The following BAZ2B variants were observed in gnomAD, a reference collection of about 807,000 sequenced individuals.
BAZ2B encodes bromodomain adjacent to zinc finger domain protein 2B.
In BAZ2B, 91 loss-of-function variants were observed where a neutral mutation model predicts 246.0. The ratio of observed to expected loss-of-function variants is 0.37; its 90% confidence interval spans 0.31 to 0.44. The LOEUF is 0.44. Ranked by LOEUF, BAZ2B falls within the 20% of genes least tolerant of loss-of-function variation. The pLI, the probability that BAZ2B is intolerant of heterozygous loss-of-function variation, is 1.00. For missense variants in BAZ2B, 2,332 were observed against 2,533.7 expected (o/e 0.92, Z 1.71); for synonymous variants, 855 against 860.0 (o/e 0.99, Z 0.10).
At chr2:159,332,831 G>GT in intron 33 of BAZ2B, 145 bp from the exon 34 acceptor site, 1 of 914,604 alleles carries the variant, frequency 1.1e-6, no homozygotes, top group East Asian at 2.7e-5. Context: ...ACACATCTAT[G>GT]TATCTTTCGT....
At chr2:159,460,617 T>C (rs181621338) in intron 3 of BAZ2B, 16 of 152,232 alleles carry the variant, frequency 1.1e-4, no homozygotes, top group African/African-American at 3.6e-4. Context: ...AAAATGGTGG[T>C]ATATTCAAAT....
At chr2:159,682,505 T>C in the BAZ2B span, among the ~76,000 whole-genome samples, 1 of 152,038 alleles carries the variant, frequency 6.6e-6, no homozygotes, top group African/African-American at 2.4e-5. Flanking sequence ...GCCAAAACAT[T>C]TGGAACTGGA....
At chr2:159,363,023 G>C (rs140740399) in intron 27 of BAZ2B, among the ~76,000 whole-genome samples, 25 of 152,324 alleles carry the variant, frequency 1.6e-4, no homozygotes, top group African/African-American at 5.8e-4. Flanking sequence ...TACAGAGCAA[G>C]AGCAAGACTC....
chr2:159,606,299 G>C (rs1693478433), intron 1 of BAZ2B, among the ~76,000 whole-genome samples: 1 of 135,352 alleles, frequency 7.4e-6, no homozygotes, highest in Non-Finnish European at 1.7e-5. Context: ...TTAAAATAAA[G>C]AGATTTGACC....
At chr2:159,528,464 C>T (rs959613122) in intron 2 of BAZ2B, among the ~76,000 whole-genome samples, 4 of 152,106 alleles carry the variant, frequency 2.6e-5, no homozygotes, top group African/African-American at 9.7e-5. Context: ...GGTTGGATCA[C>T]CTGAGGTCAA....
At chr2:159,458,333 C>CT (rs59409554) in intron 3 of BAZ2B, 17,767 of 145,318 alleles carry the variant, frequency 0.12, 1,188 homozygotes, top group Middle Eastern at 0.2. Flanking sequence ...TTTCTTTTTT[C>CT]TTTTTTTTTT....
downstream of BAZ2B, among the ~76,000 whole-genome samples, chr2:159,316,465 G>A (rs1368856911): frequency 6.6e-6 from 1 of 151,926 alleles, no homozygotes; most frequent in South Asian, 2.1e-4. Flanking sequence ...GGCCGTGGGG[G>A]CAGATCACGA....
Position 159,405,172 on chromosome 2 carries a change from A to C in BAZ2B, c.2678-58T>G, listed in dbSNP as rs904379969. 7 of 1,397,954 alleles carry C rather than the reference A, an allele frequency of 5.0e-6. No homozygotes were observed. The African/African-American group carries it at 1.0e-4, about 20-fold the overall frequency. 86.6% of individuals were successfully genotyped at this position (1,397,954 alleles called of 1,614,324 possible). A position where few individuals can be genotyped will look rare whatever the true frequency, so the allele number is the denominator to read the frequency against. On this transcript the variant is annotated intron_variant, in intron 14 of 36. Coordinates refer to ENST00000392783, the MANE Select transcript of BAZ2B (RefSeq NM_013450.4). The stretch of plus-strand genomic sequence containing the variant: ...AACTTTGTGTAACTACTAACCAAAA[A>C]CAATAACTGTGTGAAAATGGTATCA...
At chr2:159,516,259 G>A (rs1033836911) in intron 2 of BAZ2B, 4 of 152,054 alleles carry the variant, frequency 2.6e-5, no homozygotes, top group African/African-American at 9.7e-5. Flanking sequence ...AAGACATAGA[G>A]TATAACATTA....
At chr2:159,698,515 C>CAAAA in the BAZ2B span, among the ~76,000 whole-genome samples, 10 of 130,484 alleles carry the variant, frequency 7.7e-5, no homozygotes, top group South Asian at 2.4e-4. Context: ...CACCATCCCA[C>CAAAA]AAAAAAAAAA....
At chr2:159,498,416 C>T (rs1171376016) in intron 2 of BAZ2B, among the ~76,000 whole-genome samples, 1 of 152,072 alleles carries the variant, frequency 6.6e-6, no homozygotes, top group Non-Finnish European at 1.5e-5. Flanking sequence ...TTAGGCGATC[C>T]CCTGTCAATC....
chr2:159,392,799 G>A (rs2063509915), intron 20 of BAZ2B, among the ~76,000 whole-genome samples: 1 of 152,034 alleles, frequency 6.6e-6, no homozygotes, highest in Non-Finnish European at 1.5e-5. Flanking sequence ...TAAAATTAAG[G>A]TAACATTTTG....
At chr2:159,706,104 C>CACACACACACACACACACACAA in the BAZ2B span, among the ~76,000 whole-genome samples, 1 of 152,112 alleles carries the variant, frequency 6.6e-6, no homozygotes. Flanking sequence ...CACACAAACA[C>CACACACACACACACACACACAA]ACACACTCTT....
chr2:159,488,708 A>G (rs1476354648), intron 2 of BAZ2B, among the ~76,000 whole-genome samples: 1 of 152,138 alleles, frequency 6.6e-6, no homozygotes, highest in East Asian at 1.9e-4. Context: ...CTGTTTTTTT[A>G]GGGGGAAGAA....
At chr2:159,688,206 G>T in the BAZ2B span, among the ~76,000 whole-genome samples, 1 of 151,368 alleles carries the variant, frequency 6.6e-6, no homozygotes, top group Non-Finnish European at 1.5e-5. Context: ...CACCCAGCTA[G>T]TTTTTTTTAA....
chr2:159,354,935 T>C (rs1023158443), intron 27 of BAZ2B, among the ~76,000 whole-genome samples: 18 of 152,192 alleles, frequency 1.2e-4, no homozygotes, highest in African/African-American at 4.1e-4. Flanking sequence ...TTTAAATGAA[T>C]GCTAAAAGTA....
intron 2 of BAZ2B, among the ~76,000 whole-genome samples, chr2:159,540,818 A>G (rs980170068): frequency 6.6e-6 from 1 of 152,208 alleles, no homozygotes; most frequent in Non-Finnish European, 1.5e-5. Context: ...GAAAAGTAGA[A>G]GAAATCATAA....
chr2:159,631,526 T>A, the BAZ2B span, among the ~76,000 whole-genome samples: 1 of 152,158 alleles, frequency 6.6e-6, no homozygotes, highest in Non-Finnish European at 1.5e-5. Flanking sequence ...GAATACCCTG[T>A]CACACCAGTA....
At chr2:159,620,128 T>C (rs555069147), upstream of BAZ2B, among the ~76,000 whole-genome samples, 16 of 152,322 alleles carry the variant, frequency 1.1e-4, no homozygotes, top group Admixed American at 3.9e-4. Flanking sequence ...TAGGTAGATA[T>C]AGAGTTGGAT....
Sources: allele counts gnomAD v4.1 joint callset (sites outside exome capture counted in the v4.1 genomes callset), GRCh38; gene constraint gnomAD v4.1.1; transcripts MANE v1.5; gene names NCBI Gene and HGNC (gene_info 2026-07-23, HGNC 2026-07-21).